Variants in SHISAL1 observed in about 807,000 individuals in gnomAD.
SHISAL1 encodes shisa like 1.
SHISAL1 carries 9 observed loss-of-function variants against 22.6 expected under a neutral mutation model. The observed-to-expected ratio is 0.40, with a 90% CI of 0.24 to 0.70. The LOEUF (loss-of-function observed/expected upper bound fraction) is 0.70, where lower values mean the gene tolerates loss of function less well. Among genes scored for constraint, SHISAL1 ranks in the 30% least tolerant of loss-of-function variants. The pLI, the probability that SHISAL1 is intolerant of heterozygous loss-of-function variation, is 0.39. For missense variants in SHISAL1, 246 were observed against 270.6 expected (o/e 0.91, Z 0.64); for synonymous variants, 119 against 115.4 (o/e 1.03, Z -0.20).
At chr22:44,271,276 C>T (rs135415) in intron 4 of SHISAL1, among the ~76,000 whole-genome samples, 2 of 151,970 alleles carry the variant, frequency 1.3e-5, no homozygotes, top group Non-Finnish European at 2.9e-5. Flanking sequence ...TTCCTGCCTG[C>T]CCCCACCTGC....
the SHISAL1 span, among the ~76,000 whole-genome samples, chr22:44,328,698 G>A: frequency 0.011 from 1,614 of 152,154 alleles, 6 homozygotes; most frequent in Non-Finnish European, 0.016. Flanking sequence ...GGCCCAAACT[G>A]CCTCTCCCTG....
intron 4 of SHISAL1, among the ~76,000 whole-genome samples, chr22:44,273,917 C>T (rs1403857726): frequency 6.6e-6 from 1 of 152,104 alleles, no homozygotes; most frequent in Non-Finnish European, 1.5e-5. Flanking sequence ...TCTCAAGAAC[C>T]ATCAAAGAAA....
intron 4 of SHISAL1, among the ~76,000 whole-genome samples, chr22:44,271,325 C>T (rs1409498328): frequency 6.6e-6 from 1 of 152,188 alleles, no homozygotes; most frequent in Non-Finnish European, 1.5e-5. Context: ...CCCCAGCACA[C>T]AGGGTGTGAC....
chr22:44,296,632 G>A, intron 3 of SHISAL1, 40 bp downstream of exon 3: 5 of 1,589,936 alleles, frequency 3.1e-6, no homozygotes, highest in Non-Finnish European at 4.3e-6. Context: ...CTTGCCTGGG[G>A]CCCGAGGCAG....
Position 44,249,582 on chromosome 22 carries a change from C to A in SHISAL1, c.*103G>T, listed in dbSNP as rs893744032. 4.0e-6 allele frequency: 3 copies of A among 749,206 alleles called. No homozygotes were observed. Among genetic ancestry groups the A allele is most frequent in the Non-Finnish European group, 7.4e-6 (3 of 403,298 alleles). 46.4% of individuals were successfully genotyped at this position (749,206 alleles called of 1,614,324 possible). A position where few individuals can be genotyped will look rare whatever the true frequency, so the allele number is the denominator to read the frequency against. ...ATTTCCTCCTGTGCCACCGCCGCTA[C>A]CTCGGCTGTCCCTGGCATCTCTGTA... is the stretch of plus-strand genomic sequence containing the variant. On this transcript the variant is annotated 3_prime_UTR_variant, in exon 5 of 5. Coordinates refer to ENST00000381176, the MANE Select transcript of SHISAL1 (RefSeq NM_001099294.2).
chr22:44,284,901 T>G lies in SHISAL1; in HGVS notation c.599+527A>C, dbSNP rs2748866. On this transcript the variant is annotated intron_variant, in intron 4 of 4. Coordinates refer to ENST00000381176, the MANE Select transcript of SHISAL1 (RefSeq NM_001099294.2). ...ATGCCACCTCTCTGCCTTCCTGCCT[T>G]CCTTCCTTCCTTCCTTCCTTCCTTC... Among the ~76,000 whole-genome samples the G allele has an allele frequency of 7.7e-3, 200 of 25,956 alleles. 4 individuals are homozygous for G. Among genetic ancestry groups the G allele is most frequent in the South Asian group, 0.051 (44 of 862 alleles). The allele number at this position is 25,956 out of a possible 152,430, so 17.0% of individuals were successfully genotyped here. A position where few individuals can be genotyped will look rare whatever the true frequency, so the allele number is the denominator to read the frequency against.
At chr22:44,269,302 C>CACCA (rs1391838834) in intron 4 of SHISAL1, among the ~76,000 whole-genome samples, 3 of 135,956 alleles carry the variant, frequency 2.2e-5, no homozygotes, top group Non-Finnish European at 4.5e-5. Flanking sequence ...CCATGCCACA[C>CACCA]ACCATACTGC....
At chr22:44,281,587 A>T (rs548661998) in intron 4 of SHISAL1, among the ~76,000 whole-genome samples, 1 of 152,282 alleles carries the variant, frequency 6.6e-6, no homozygotes, top group Non-Finnish European at 1.5e-5. Context: ...AGTGCGAAGG[A>T]GACACCGTTA....
intron 2 of SHISAL1, among the ~76,000 whole-genome samples, chr22:44,298,754 A>G (rs2055405203): frequency 6.6e-6 from 1 of 152,202 alleles, no homozygotes; most frequent in Admixed American, 6.5e-5. Flanking sequence ...GGAGCCTGAT[A>G]TGCAGAGATG....
At chr22:44,291,663 A>G (rs1249501249) in intron 3 of SHISAL1, among the ~76,000 whole-genome samples, 1 of 152,018 alleles carries the variant, frequency 6.6e-6, no homozygotes, top group East Asian at 1.9e-4. Context: ...CTGTCCTCCT[A>G]GAGTCCCTCC....
intron 4 of SHISAL1, among the ~76,000 whole-genome samples, chr22:44,278,601 T>C (rs1122689): frequency 0.35 from 52,323 of 151,492 alleles, 9,689 homozygotes; most frequent in African/African-American, 0.48. Context: ...TGGCTCCGGG[T>C]GAACGGGCCT....
At chr22:44,263,523 C>T (rs756260315) in intron 4 of SHISAL1, among the ~76,000 whole-genome samples, 1 of 152,176 alleles carries the variant, frequency 6.6e-6, no homozygotes, top group Non-Finnish European at 1.5e-5. Context: ...ACTGCCTCAA[C>T]AAGGAGAAAG....
At chr22:44,298,868 G>T (rs978953796) in intron 2 of SHISAL1, among the ~76,000 whole-genome samples, 1 of 152,222 alleles carries the variant, frequency 6.6e-6, no homozygotes, top group Non-Finnish European at 1.5e-5. Flanking sequence ...TCAGCGCCAT[G>T]GGCTTTGGCC....
rs541353379 is a variant in SHISAL1 at position 44,289,548 on chromosome 22, C to T, written c.282-3803G>A. Among the ~76,000 whole-genome samples the T allele has an allele frequency of 2.6e-5, 4 of 151,770 alleles. No individual in the cohort carries two copies. In the South Asian group the frequency reaches 8.3e-4, roughly 32 times the overall value. ...CCAGCTTGCTGCAATTGACACATGA[C>T]ATGACCCCCGGCCCTCCCAGCTCAT... On this transcript the variant is annotated intron_variant, in intron 3 of 4. Coordinates refer to ENST00000381176, the MANE Select transcript of SHISAL1 (RefSeq NM_001099294.2).
At chr22:44,261,149 T>TTC (rs1183913337) in intron 4 of SHISAL1, among the ~76,000 whole-genome samples, 4 of 127,034 alleles carry the variant, frequency 3.1e-5, no homozygotes, top group African/African-American at 8.9e-5. Context: ...AATCAATGAC[T>TTC]TTTAAAAAAA....
At chr22:44,323,386 C>T in the SHISAL1 span, among the ~76,000 whole-genome samples, 1 of 150,022 alleles carries the variant, frequency 6.7e-6, no homozygotes, top group African/African-American at 2.5e-5. Flanking sequence ...TCCATCCATC[C>T]ATCCACCCAT....
the SHISAL1 span, among the ~76,000 whole-genome samples, chr22:44,325,470 C>T: frequency 2.3e-3 from 357 of 152,260 alleles, no homozygotes; most frequent in Non-Finnish European, 4.2e-3. Flanking sequence ...CCAGGGAGTT[C>T]GGTTCCCGTG....
the SHISAL1 span, among the ~76,000 whole-genome samples, chr22:44,326,545 T>C: frequency 6.6e-6 from 1 of 152,212 alleles, no homozygotes; most frequent in Non-Finnish European, 1.5e-5. Context: ...CCCAGGGCTC[T>C]GTTAAGAGCT....
At chr22:44,307,988 C>T (rs995830154) in intron 1 of SHISAL1, among the ~76,000 whole-genome samples, 8 of 152,188 alleles carry the variant, frequency 5.3e-5, no homozygotes, top group African/African-American at 1.9e-4. Flanking sequence ...CAGCCCACCA[C>T]GCCCCACTTC....
Sources: allele counts gnomAD v4.1 joint callset (sites outside exome capture counted in the v4.1 genomes callset), GRCh38; gene constraint gnomAD v4.1.1; transcripts MANE v1.5; gene names NCBI Gene and HGNC (gene_info 2026-07-23, HGNC 2026-07-21).